The following MAGI2 variants were observed in gnomAD, a reference collection of about 807,000 sequenced individuals.
The protein encoded by MAGI2 is membrane associated guanylate kinase, WW and PDZ domain containing 2.
MAGI2 carries 35 observed loss-of-function variants against 133.3 expected under a neutral mutation model. The ratio of observed to expected loss-of-function variants is 0.26; its 90% CI spans 0.20 to 0.35. MAGI2 has a LOEUF of 0.35. MAGI2 is among the 10% of genes least tolerant of loss of function. MAGI2 has a pLI of 1.00. For missense variants in MAGI2, 1,636 were observed against 1,863.4 expected, an observed-to-expected ratio of 0.88 and a Z score of 2.25; for synonymous variants, 729 against 710.6, an observed-to-expected ratio of 1.03 and a Z score of -0.41.
chr7:78,163,128 T>C (rs1026815753), intron 15 of MAGI2, among the ~76,000 whole-genome samples: 2 of 151,988 alleles, frequency 1.3e-5, no homozygotes, highest in Non-Finnish European at 2.9e-5. Flanking sequence ...ATAATTAGTT[T>C]AGTTTGTTTG....
chr7:78,410,213 A>G (rs1393048368), intron 6 of MAGI2, among the ~76,000 whole-genome samples: 2 of 152,102 alleles, frequency 1.3e-5, no homozygotes, highest in African/African-American at 4.8e-5. Flanking sequence ...AGGTATTGAA[A>G]TATAGGAAAT....
chr7:78,596,211 G>T (rs1804595611), intron 3 of MAGI2, among the ~76,000 whole-genome samples: 1 of 122,184 alleles, frequency 8.2e-6, no homozygotes, highest in Non-Finnish European at 1.8e-5. Context: ...AAGGAATGAA[G>T]GAAGGGAGGG....
At chr7:78,693,201 C>T (rs1563363324) in intron 2 of MAGI2, among the ~76,000 whole-genome samples, 1 of 152,100 alleles carries the variant, frequency 6.6e-6, no homozygotes, top group African/African-American at 2.4e-5. Context: ...GCTTCCTTGT[C>T]TGAAAAGGAT....
intron 6 of MAGI2, among the ~76,000 whole-genome samples, chr7:78,479,876 A>C (rs11977168): frequency 0.37 from 56,243 of 151,618 alleles, 10,876 homozygotes; most frequent in East Asian, 0.6. Flanking sequence ...AATTCTCTTG[A>C]AACAAAAAAT....
chr7:79,007,261 T>C (rs1397881132), intron 1 of MAGI2, 55 bp from the exon 2 acceptor site: 8 of 1,023,428 alleles, frequency 7.8e-6, no homozygotes, highest in Non-Finnish European at 1.2e-5. Flanking sequence ...TTTAAGCATG[T>C]AATTTGATTC....
intron 1 of MAGI2, among the ~76,000 whole-genome samples, chr7:79,064,197 A>G (rs1393515662): frequency 6.6e-6 from 1 of 152,032 alleles, no homozygotes. Flanking sequence ...TAGAAAAAAA[A>G]TCTGCTGAAG....
intron 6 of MAGI2, among the ~76,000 whole-genome samples, chr7:78,376,125 G>T (rs1216414794): frequency 6.6e-6 from 1 of 151,864 alleles, no homozygotes; most frequent in Non-Finnish European, 1.5e-5. Context: ...TAAAGCTGGG[G>T]GTGTAACTTT....
At chr7:78,519,668 G>C (rs1796333687) in intron 4 of MAGI2, among the ~76,000 whole-genome samples, 1 of 152,178 alleles carries the variant, frequency 6.6e-6, no homozygotes, top group Non-Finnish European at 1.5e-5. Context: ...TCTAGATTCA[G>C]TAAGCCCCAT....
At chr7:78,135,925 G>A (rs6950518) in intron 16 of MAGI2, among the ~76,000 whole-genome samples, 1 of 151,952 alleles carries the variant, frequency 6.6e-6, no homozygotes, top group East Asian at 1.9e-4. Flanking sequence ...CAATGCCATG[G>A]ATGGTAAGAC....
rs150974043 is a variant in MAGI2, at chr7:79,040,598, A to G, written c.302-33392T>C. Among the ~76,000 whole-genome samples, 275 of 152,156 alleles carry G rather than the reference A, an allele frequency of 1.8e-3. 1 individual carries two copies. Among genetic ancestry groups the G allele is most frequent in the Middle Eastern group, 6.8e-3 (2 of 294 alleles). On this transcript the variant is annotated intron_variant, in intron 1 of 21. Transcript: ENST00000354212. The stretch of plus-strand genomic sequence containing the variant: ...CTCACCTTGAATTGTAATCCCCATA[A>G]TCCCCACATGTCAAGGGTAGGACCC...
At chr7:78,251,009 A>G (rs1792329767) in intron 10 of MAGI2, among the ~76,000 whole-genome samples, 1 of 152,166 alleles carries the variant, frequency 6.6e-6, no homozygotes, top group Non-Finnish European at 1.5e-5. Flanking sequence ...AACAAAATTC[A>G]GCAACATACA....
At chr7:78,506,378 G>GA (rs1305805707) in intron 4 of MAGI2, among the ~76,000 whole-genome samples, 1 of 151,562 alleles carries the variant, frequency 6.6e-6, no homozygotes, top group Non-Finnish European at 1.5e-5. Context: ...TTCTTAGATG[G>GA]AAAAAAAATA....
At chr7:78,571,023 CAA>C (rs2150767899) in intron 3 of MAGI2, among the ~76,000 whole-genome samples, 1 of 152,238 alleles carries the variant, frequency 6.6e-6, no homozygotes, top group South Asian at 2.1e-4. Flanking sequence ...TAAAATTGCT[CAA>C]GTTTTTATCA....
chr7:78,165,779 G>A (rs1255544947), intron 15 of MAGI2, among the ~76,000 whole-genome samples: 1 of 152,198 alleles, frequency 6.6e-6, no homozygotes, highest in African/African-American at 2.4e-5. Flanking sequence ...GACAGCAACA[G>A]TCCTTGAAAA....
chr7:78,360,951 C>T (rs547098399), intron 7 of MAGI2, among the ~76,000 whole-genome samples: 8 of 152,118 alleles, frequency 5.3e-5, no homozygotes, highest in Non-Finnish European at 1.0e-4. Context: ...CTTCCTGGGA[C>T]GTCAAGGGGT....
intron 2 of MAGI2, among the ~76,000 whole-genome samples, chr7:78,647,954 C>T (rs1375799153): frequency 6.6e-6 from 1 of 152,110 alleles, no homozygotes; most frequent in Admixed American, 6.5e-5. Context: ...AATGAGAACA[C>T]ATGGACACAG....
At position 79,228,267 on chromosome 7, in the gene MAGI2, C is replaced by T. The variant is rs562303801; in HGVS notation, c.302-221061G>A. Among the ~76,000 whole-genome samples the T allele has an allele frequency of 2.4e-3, 347 of 145,538 alleles. 3 individuals are homozygous for T. The highest frequency in any genetic ancestry group is 0.014 in the Admixed American group (197 of 13,922). Reference sequence around the variant, plus strand: ...GCTGAGGTTGGGGATTGCTGGACCCCGGGAGTTCAAGGTTGCAGTGAACTA... The same window carrying T: ...GCTGAGGTTGGGGATTGCTGGACCCTGGGAGTTCAAGGTTGCAGTGAACTA... On this transcript the variant is annotated intron_variant, in intron 1 of 21. Coordinates refer to ENST00000354212, the MANE Select transcript of MAGI2 (RefSeq NM_012301.4).
chr7:79,399,095 C>CTTT (rs767332496), intron 1 of MAGI2, among the ~76,000 whole-genome samples: 3 of 106,296 alleles, frequency 2.8e-5, no homozygotes, highest in African/African-American at 4.0e-5. Flanking sequence ...TTTTTCTTTT[C>CTTT]TTTTTTTTTT....
At chr7:78,620,524 A>G (rs1211114406) in intron 3 of MAGI2, among the ~76,000 whole-genome samples, 2 of 151,962 alleles carry the variant, frequency 1.3e-5, no homozygotes, top group East Asian at 3.9e-4. Flanking sequence ...TCCTTCATGT[A>G]GTTATGAGAA....
Sources: gnomAD v4.1 joint callset for allele counts (sites outside exome capture counted in the v4.1 genomes callset) on GRCh38, gnomAD v4.1.1 for gene constraint, MANE v1.5 for transcripts, NCBI Gene and HGNC (gene_info 2026-07-23, HGNC 2026-07-21) for gene names.